The following UBR1 variants were observed in gnomAD, a reference collection of about 807,000 sequenced individuals.
UBR1 encodes ubiquitin protein ligase E3 component n-recognin 1.
UBR1 carries 102 observed loss-of-function variants against 242.1 expected under a neutral mutation model. That is an observed-to-expected ratio of 0.42 (90% CI 0.36 to 0.50). The LOEUF is 0.50. Ranked by LOEUF, UBR1 falls within the 20% of genes least tolerant of loss-of-function variation. UBR1 has a pLI of 0.01. For synonymous variants in UBR1, 675 were observed against 684.8 expected (o/e 0.99, Z 0.22); for missense variants, 1,772 against 2,101.8 (o/e 0.84, Z 3.07).
At chr15:42,946,952 A>C (rs2031746489) in intron 46 of UBR1, among the ~76,000 whole-genome samples, 1 of 152,164 alleles carries the variant, frequency 6.6e-6, no homozygotes, top group East Asian at 1.9e-4. Context: ...GTTCGAGACC[A>C]GTCTGGCCAA....
chr15:43,002,412 G>A, intron 32 of UBR1, 143 bp downstream of exon 32: 1 of 927,574 alleles, frequency 1.1e-6, no homozygotes, highest in Non-Finnish European at 1.6e-6. Flanking sequence ...GTAGAGATGG[G>A]GTTTTACCAT....
At chr15:43,025,902 A>G (rs1284567454) in intron 23 of UBR1, 2 of 158,240 alleles carry the variant, frequency 1.3e-5, no homozygotes, top group African/African-American at 4.8e-5. Flanking sequence ...GATGTTACAA[A>G]AGAAAAAAAT....
At chr15:43,005,443 C>A (rs2032805850) in intron 30 of UBR1, among the ~76,000 whole-genome samples, 1 of 150,640 alleles carries the variant, frequency 6.6e-6, no homozygotes, top group South Asian at 2.1e-4. Flanking sequence ...CCCCGCCCGG[C>A]CAGCCACCCC....
rs1186714034 is a variant in UBR1, at chr15:43,015,513, C to T, written c.3209+175G>A. On this transcript the variant is annotated intron_variant, in intron 29 of 46. Coordinates refer to ENST00000290650, the MANE Select transcript of UBR1 (RefSeq NM_174916.3). ...CAGGGTCACAAACACTGCGGAAGGC[C>T]GCAGGGTCCTCTGCCTAGGAAAACC... 9.4e-6 allele frequency: 6 copies of T among 635,786 alleles called. No individual in the cohort carries two copies. In the Admixed American group the frequency reaches 1.0e-4, roughly 11 times the overall value. 39.4% of individuals were successfully genotyped at this position (635,786 alleles called of 1,614,324 possible). A position where few individuals can be genotyped will look rare whatever the true frequency, so the allele number is the denominator to read the frequency against.
At position 43,007,234 on chromosome 15, in the gene UBR1, CCCCGTTTAGGACCCAAAG is replaced by C; in HGVS notation, c.3242_3259del (p.Ala1081_Arg1086del). 6.2e-7 allele frequency: 1 copy of C among 1,614,120 alleles called. No individual in the cohort carries two copies. The highest frequency in any genetic ancestry group is 2.2e-5 in the East Asian group (1 of 44,872). On this transcript the variant is annotated inframe_deletion, in exon 30 of 47. Transcript: ENST00000290650. ...CACCTCCTTTTCAGTAACAGATGGA[CCCCGTTTAGGACCCAAAG>C]CAATTCTAGAGTAGTCACTGACTGC...
intron 6 of UBR1, among the ~76,000 whole-genome samples, chr15:43,065,227 C>T (rs2033737672): frequency 6.6e-6 from 1 of 151,942 alleles, no homozygotes; most frequent in Non-Finnish European, 1.5e-5. Context: ...CGCTAAATAC[C>T]CCATTTCACT....
chr15:42,969,629 T>C (rs2032169838), intron 40 of UBR1, among the ~76,000 whole-genome samples: 1 of 152,170 alleles, frequency 6.6e-6, no homozygotes, highest in African/African-American at 2.4e-5. Context: ...CTCCTTAAGC[T>C]GACAGGCAAC....
chr15:43,067,877 A>T, intron 6 of UBR1, 21 bp downstream of exon 6: 1 of 1,613,904 alleles, frequency 6.2e-7, no homozygotes, highest in Non-Finnish European at 8.5e-7. Flanking sequence ...CAGAAACGCA[A>T]TTCAAAAGGA....
intron 1 of UBR1, among the ~76,000 whole-genome samples, chr15:43,093,812 C>T (rs1212702094): frequency 7.2e-6 from 1 of 138,538 alleles, no homozygotes; most frequent in Non-Finnish European, 1.6e-5. Context: ...AAAAAAAAAA[C>T]CAAAAAGGCA....
intron 40 of UBR1, among the ~76,000 whole-genome samples, chr15:42,969,494 T>C (rs2032167546): frequency 6.6e-6 from 1 of 152,226 alleles, no homozygotes; most frequent in Non-Finnish European, 1.5e-5. Context: ...ATAGTTTCTT[T>C]TGCTGTGCAG....
intron 1 of UBR1, among the ~76,000 whole-genome samples, chr15:43,087,297 C>G (rs542657150): frequency 6.6e-5 from 10 of 151,994 alleles, no homozygotes; most frequent in African/African-American, 2.4e-4. Context: ...CCCAGCTACT[C>G]AGGAGGTTGA....
chr15:43,034,867 A>AC (rs1392848607), intron 19 of UBR1, among the ~76,000 whole-genome samples: 1 of 150,098 alleles, frequency 6.7e-6, no homozygotes, highest in East Asian at 1.9e-4. Context: ...AACCTGGGCA[A>AC]CAAGAGCAAA....
At chr15:42,994,456 G>T (rs1335076744) in intron 33 of UBR1, among the ~76,000 whole-genome samples, 1 of 149,198 alleles carries the variant, frequency 6.7e-6, no homozygotes. Flanking sequence ...ACAAACTTCT[G>T]TAGAACATAT....
At chr15:43,002,037 C>T (rs2032733452) in intron 32 of UBR1, among the ~76,000 whole-genome samples, 1 of 152,064 alleles carries the variant, frequency 6.6e-6, no homozygotes, top group African/African-American at 2.4e-5. Flanking sequence ...GAAAATATAA[C>T]CACAATGTAA....
chr15:42,960,943 C>T, intron 42 of UBR1, among the ~76,000 whole-genome samples: 1 of 151,900 alleles, frequency 6.6e-6, no homozygotes, highest in Non-Finnish European at 1.5e-5. Context: ...GTATTTTTAG[C>T]AGAGACGAGG....
In UBR1 at chr15:43,037,860, T is replaced by C. The variant is rs775320571; in HGVS notation, c.1935A>G (p.Leu645=). 2 of 1,613,914 alleles carry C rather than the reference T, an allele frequency of 1.2e-6. No individual in the cohort carries two copies. The highest frequency in any genetic ancestry group is 2.7e-5 in the African/African-American group (2 of 74,944). ...CCAGACAACGTAAAGGATATTCCAC[T>C]AGTACCTCTACTTGAAAGTCCTCCT... The part of the protein sequence containing the change: ...VSFEDFQVEV[L]VEYPLRCLVL... Residue 645 remains leucine (L), a synonymous_variant, in exon 17 of 47, where the codon CTA becomes CTG. Coordinates refer to ENST00000290650, the MANE Select transcript of UBR1 (RefSeq NM_174916.3).
chr15:43,081,417 CAAAAA>C (rs71108197), intron 3 of UBR1, among the ~76,000 whole-genome samples: 1 of 69,708 alleles, frequency 1.4e-5, no homozygotes, highest in Non-Finnish European at 2.6e-5. Flanking sequence ...CACCCCATCT[CAAAAA>C]AAAAAAAAAA....
chr15:42,997,241 A>T (rs1028320522), intron 33 of UBR1, among the ~76,000 whole-genome samples: 1 of 152,210 alleles, frequency 6.6e-6, no homozygotes, highest in South Asian at 2.1e-4. Flanking sequence ...CTAATGACTG[A>T]CAATCTGTCA....
intron 42 of UBR1, 107 bp from the exon 43 acceptor site, chr15:42,960,808 G>T: frequency 3.4e-6 from 4 of 1,193,748 alleles, no homozygotes; most frequent in Non-Finnish European, 4.8e-6. Flanking sequence ...TCACTCTTTC[G>T]CCCAGGCTGG....
Sources: gnomAD v4.1 joint callset for allele counts (sites outside exome capture counted in the v4.1 genomes callset) on GRCh38, gnomAD v4.1.1 for gene constraint, MANE v1.5 for transcripts, NCBI Gene and HGNC (gene_info 2026-07-23, HGNC 2026-07-21) for gene names.